The following CPEB4 variants were observed in gnomAD, a reference collection of about 807,000 sequenced individuals.
The protein encoded by CPEB4 is cytoplasmic polyadenylation element-binding protein 4.
In CPEB4, 12 loss-of-function variants were observed where a neutral mutation model predicts 72.5. The ratio of observed to expected loss-of-function variants is 0.17; its 90% CI spans 0.11 to 0.27. The LOEUF (loss-of-function observed/expected upper bound fraction) is 0.27, where lower values mean the gene tolerates loss of function less well. Among genes scored for constraint, CPEB4 ranks in the 10% least tolerant of loss-of-function variants. The pLI is 1.00. For synonymous variants in CPEB4, 302 were observed against 326.3 expected (o/e 0.93, Z 0.80); for missense variants, 614 against 908.5 (o/e 0.68, Z 4.17).
At chr5:173,952,700 C>T (rs1362832138) in intron 8 of CPEB4, among the ~76,000 whole-genome samples, 1 of 152,100 alleles carries the variant, frequency 6.6e-6, no homozygotes, top group African/African-American at 2.4e-5. Flanking sequence ...GTAATTATTA[C>T]ATTAATCAAT....
At chr5:173,943,411 C>T (rs1308612640) in intron 4 of CPEB4, among the ~76,000 whole-genome samples, 1 of 152,094 alleles carries the variant, frequency 6.6e-6, no homozygotes, top group Non-Finnish European at 1.5e-5. Context: ...CAAAATACCT[C>T]ATTATCTTGG....
intron 2 of CPEB4, among the ~76,000 whole-genome samples, chr5:173,916,114 G>C (rs1756857354): frequency 6.6e-6 from 1 of 152,162 alleles, no homozygotes; most frequent in East Asian, 1.9e-4. Flanking sequence ...AAATGAGACA[G>C]CAAAATTATT....
In CPEB4 at chr5:173,959,852, G is replaced by A. The variant is rs943915743; in HGVS notation, c.*3715G>A. ...ATTTTTAAAATTTAAAGTATAATTA[G>A]TTTTTATAATTTTCATCAGATTTTT... On this transcript the variant is annotated 3_prime_UTR_variant, in exon 10 of 10. Transcript: ENST00000265085. The A allele has an allele frequency of 6.6e-6, 1 of 152,160 alleles. No individual in the cohort carries two copies. Among genetic ancestry groups the A allele is most frequent in the African/African-American group, 2.4e-5 (1 of 41,398 alleles). The allele number at this position is 152,160 out of a possible 1,614,324, so 9.4% of individuals were successfully genotyped here.
intron 2 of CPEB4, among the ~76,000 whole-genome samples, chr5:173,914,917 C>A (rs1416988586): frequency 6.6e-6 from 1 of 151,928 alleles, no homozygotes; most frequent in Non-Finnish European, 1.5e-5. Context: ...TTATGAATGA[C>A]CTCATTTATT....
chr5:173,943,656 A>G (rs1024885174), intron 4 of CPEB4, among the ~76,000 whole-genome samples: 4 of 152,200 alleles, frequency 2.6e-5, no homozygotes, highest in African/African-American at 9.6e-5. Flanking sequence ...AGAAAGTAAG[A>G]CAGTTAAATA....
At chr5:173,951,320 AAATC>A (rs1356761199) in intron 7 of CPEB4, among the ~76,000 whole-genome samples, 2 of 152,140 alleles carry the variant, frequency 1.3e-5, no homozygotes, top group East Asian at 3.8e-4. Flanking sequence ...TCATAAAAAA[AAATC>A]TATTGCAAAT....
chr5:173,897,091 T>A (rs1373560576), intron 1 of CPEB4, among the ~76,000 whole-genome samples: 1 of 152,248 alleles, frequency 6.6e-6, no homozygotes, highest in Non-Finnish European at 1.5e-5. Flanking sequence ...TAGTCATGCT[T>A]ATCTTGCTAT....
rs565593128 is a variant in CPEB4, at chr5:173,942,165, A to T, written c.1259-861A>T. ...AGGCATGCTACACTGTTGTTTGCTT[A>T]TGTGGCCTTCTGGCATTAAAAGCTG... On this transcript the variant is annotated intron_variant, in intron 3 of 9. Transcript: ENST00000265085. 8.5e-4 allele frequency among the ~76,000 whole-genome samples: 129 copies of T among 152,256 alleles called. 1 individual carries two copies. Among genetic ancestry groups the T allele is most frequent in the African/African-American group, 3.0e-3 (124 of 41,544 alleles).
At chr5:173,897,860 C>T (rs773148148) in intron 1 of CPEB4, among the ~76,000 whole-genome samples, 7 of 144,406 alleles carry the variant, frequency 4.8e-5, no homozygotes, top group Admixed American at 1.4e-4. Flanking sequence ...TATAAGTTAC[C>T]GTATGTTTAT....
At chr5:173,922,706 AT>A (rs1256835009) in intron 2 of CPEB4, among the ~76,000 whole-genome samples, 1 of 152,178 alleles carries the variant, frequency 6.6e-6, no homozygotes, top group Non-Finnish European at 1.5e-5. Context: ...GATTCACCAG[AT>A]TTGCCATGGG....
intron 2 of CPEB4, among the ~76,000 whole-genome samples, chr5:173,922,140 C>CT (rs1251852033): frequency 6.6e-6 from 1 of 152,162 alleles, no homozygotes; most frequent in Non-Finnish European, 1.5e-5. Context: ...TGTGTAGCCT[C>CT]TGAGAAGGAA....
intron 3 of CPEB4, among the ~76,000 whole-genome samples, chr5:173,939,652 G>A (rs1342169064): frequency 5.9e-5 from 9 of 151,976 alleles, no homozygotes; most frequent in African/African-American, 1.9e-4. Context: ...GGAAGCATTT[G>A]TAAGCAATCC....
intron 2 of CPEB4, among the ~76,000 whole-genome samples, chr5:173,919,134 G>A (rs552701981): frequency 6.6e-6 from 1 of 152,090 alleles, no homozygotes; most frequent in African/African-American, 2.4e-5. Flanking sequence ...ATTCAGGGCA[G>A]GGATTTAACT....
chr5:173,955,168 A>G lies in CPEB4; in HGVS notation c.1963-742A>G, dbSNP rs566450679. Among the ~76,000 whole-genome samples the G allele has an allele frequency of 4.6e-5, 7 of 152,322 alleles. No homozygotes were observed. The East Asian group carries it at 1.2e-3, about 25-fold the overall frequency. On this transcript the variant is annotated intron_variant, in intron 9 of 9. Coordinates refer to ENST00000265085, the MANE Select transcript of CPEB4 (RefSeq NM_030627.4). The surrounding 1 kb of genome is among the most constrained non-coding windows in gnomAD (Gnocchi z 4.7). ...CCAGCTCTTTTCTAGCTGATGAATT[A>G]ATAACCAGGTGACTGTTAATGCTTG...
Position 173,949,904 on chromosome 5 carries a change from G to A in CPEB4, c.1547-56G>A, listed in dbSNP as rs1269825064. The A allele has an allele frequency of 5.7e-6, 7 of 1,222,378 alleles. No individual in the cohort carries two copies. The African/African-American group carries it at 9.1e-5, about 16-fold the overall frequency. 75.7% of individuals were successfully genotyped at this position (1,222,378 alleles called of 1,614,324 possible). A position where few individuals can be genotyped will look rare whatever the true frequency, so the allele number is the denominator to read the frequency against. On this transcript the variant is annotated intron_variant, in intron 6 of 9. Transcript: ENST00000265085. Reference sequence around the variant, plus strand: ...GTTTTGTGCATGATTCCTTTCCCCTGAAGAATTACCAAAAAATAGGAAAAC... The same window carrying A: ...GTTTTGTGCATGATTCCTTTCCCCTAAAGAATTACCAAAAAATAGGAAAAC...
chr5:173,931,716 A>G (rs747700325), intron 2 of CPEB4, among the ~76,000 whole-genome samples: 29 of 152,358 alleles, frequency 1.9e-4, no homozygotes, highest in Non-Finnish European at 3.2e-4. Context: ...ACAGAAATGT[A>G]ATTCCTTCAA....
At chr5:173,943,818 T>A (rs1249949516) in intron 4 of CPEB4, among the ~76,000 whole-genome samples, 1 of 152,200 alleles carries the variant, frequency 6.6e-6, no homozygotes, top group Non-Finnish European at 1.5e-5. Flanking sequence ...TAATAGAAAT[T>A]GAAGACAAGT....
rs1245036979 is a variant in CPEB4 at position 173,945,110 on chromosome 5, G to T, written c.1426G>T (p.Val476Leu). 1.2e-6 allele frequency: 2 copies of T among 1,613,998 alleles called. No individual in the cohort carries two copies. Among genetic ancestry groups the T allele is most frequent in the African/African-American group, 1.3e-5 (1 of 75,038 alleles). The part of the protein sequence containing the change: ...RVERYSRKVF[V>L]GGLPPDIDED... ...GGAACGATATTCTCGAAAGGTGTTT[G>T]TAGGCGGATTGCCTCCAGACATTGA... The change falls in exon 5 of 10, where the codon GTA (valine) becomes TTA (leucine). Residue 476 changes from valine to leucine, a missense_variant. Coordinates refer to ENST00000265085, the MANE Select transcript of CPEB4 (RefSeq NM_030627.4).
At chr5:173,915,511 T>A (rs1264522402) in intron 2 of CPEB4, among the ~76,000 whole-genome samples, 1 of 152,170 alleles carries the variant, frequency 6.6e-6, no homozygotes, top group Non-Finnish European at 1.5e-5. Context: ...CCAGTGACAA[T>A]CCTCAGAAGC....
Sources: allele counts gnomAD v4.1 joint callset (sites outside exome capture counted in the v4.1 genomes callset), GRCh38; gene constraint gnomAD v4.1.1; non-coding constraint Gnocchi (gnomAD v3.1); transcripts MANE v1.5; gene names NCBI Gene and HGNC (gene_info 2026-07-23, HGNC 2026-07-21).